The following FBXO24 variants were observed in gnomAD, a reference collection of about 807,000 sequenced individuals.
FBXO24 encodes the protein F-box protein 24.
In FBXO24, 30 loss-of-function variants were observed where a neutral mutation model predicts 63.5. That is an observed-to-expected ratio of 0.47 (90% CI 0.35 to 0.64). The LOEUF (loss-of-function observed/expected upper bound fraction) is 0.64. Among genes scored for constraint, FBXO24 ranks in the 30% least tolerant of loss-of-function variants. The pLI, the probability that FBXO24 is intolerant of heterozygous loss-of-function variation, is 0.00. For synonymous variants in FBXO24, 300 were observed against 305.0 expected (o/e 0.98, Z 0.17); for missense variants, 624 against 763.4 (o/e 0.82, Z 2.15).
chr7:100,600,677 A>G lies in FBXO24; in HGVS notation c.1521A>G (p.Arg507=). The part of the protein sequence containing the change: ...VGTPEPSLGA[R]APQDPGGMAQ... The stretch of plus-strand genomic sequence containing the variant: ...CTCCTGAGCCCAGCCTGGGGGCCAG[A>G]GCACCCCAGGACCCCGGGGGGATGG... Residue 507 remains arginine (R), a synonymous_variant, in exon 10 of 10, where the codon AGA becomes AGG. Coordinates refer to ENST00000241071, the MANE Select transcript of FBXO24 (RefSeq NM_033506.3). This position sits in a 1 kb window ranked among gnomAD's most constrained non-coding sequence, Gnocchi z 6.3. 2 of 1,614,054 alleles carry G rather than the reference A, an allele frequency of 1.2e-6. No homozygotes were observed. The highest frequency in any genetic ancestry group is 8.5e-7 in the Non-Finnish European group (1 of 1,179,964).
intron 5 of FBXO24, among the ~76,000 whole-genome samples, chr7:100,593,613 C>A (rs1414223841): frequency 8.0e-6 from 1 of 125,492 alleles, no homozygotes; most frequent in Non-Finnish European, 1.6e-5. Context: ...GGTGACAGAG[C>A]GAGACTCCGT....
intron 8 of FBXO24, among the ~76,000 whole-genome samples, chr7:100,596,949 C>T (rs1326936175): frequency 2.0e-5 from 3 of 151,748 alleles, no homozygotes; most frequent in East Asian, 1.9e-4. Context: ...GTCTGAGGCA[C>T]GAGAATTGCT....
At chr7:100,599,997 T>G in intron 8 of FBXO24, 34 bp from the exon 9 acceptor site, 1 of 1,437,106 alleles carries the variant, frequency 7.0e-7, no homozygotes, top group Non-Finnish European at 9.6e-7. Context: ...CCCTTGGTGC[T>G]CCCTGCTCAG....
rs749900608 is a variant in FBXO24 at position 100,590,279 on chromosome 7, A to T, written c.244A>T (p.Ile82Phe). 6.2e-7 allele frequency: 1 copy of T among 1,614,032 alleles called. No individual in the cohort carries two copies. The highest frequency in any genetic ancestry group is 1.3e-5 in the African/African-American group (1 of 74,910). Reference protein sequence around the residue: ...VCDGEGVWRRICRRLSPRLQD... With the variant: ...VCDGEGVWRRFCRRLSPRLQD... The stretch of plus-strand genomic sequence containing the variant: ...CGATGGGGAAGGCGTGTGGAGACGC[A>T]TCTGTCGCAGACTCAGTCCGCGCCT... Residue 82 changes from isoleucine to phenylalanine, a missense_variant, in exon 3 of 10, where the codon ATC becomes TTC. Physicochemically the swap from Ile to Phe is conservative, Grantham distance 21. This residue lies in a region of FBXO24 where 391 missense variants were observed against 469.1 expected (regional missense o/e 0.83). Coordinates refer to ENST00000241071, the MANE Select transcript of FBXO24 (RefSeq NM_033506.3).
At chr7:100,595,497 A>G (rs1298208277) in intron 7 of FBXO24, 78 bp from the exon 8 acceptor site, 2 of 1,462,754 alleles carry the variant, frequency 1.4e-6, no homozygotes, top group African/African-American at 2.8e-5. Flanking sequence ...ATGGCAGGTT[A>G]GTGGCTTGGA....
Position 100,600,175 on chromosome 7 carries a change from G to A in FBXO24, c.1351G>A (p.Ala451Thr), listed in dbSNP as rs1157674026. 1.3e-6 allele frequency: 2 copies of A among 1,576,744 alleles called. No individual in the cohort carries two copies. The highest frequency in any genetic ancestry group is 8.6e-7 in the Non-Finnish European group (1 of 1,160,996). Residue 451 changes from alanine to threonine, a missense_variant, in exon 9 of 10, where the codon GCC becomes ACC. Ala to Thr is a moderately conservative substitution (Grantham distance 58). This residue lies in a region of FBXO24 where 216 missense variants were observed against 245.2 expected (regional missense o/e 0.88). Transcript: ENST00000241071. This position sits in a 1 kb window ranked among gnomAD's most constrained non-coding sequence, Gnocchi z 6.3. ...GRLPGWPKGS[A>T]SFVKLQVKVP... ...CCTCCCAGGCTGGCCCAAGGGGAGT[G>A]CCTCCTTCGTCAAGCTCCAAGTCAA...
chr7:100,590,481 G>T, intron 3 of FBXO24, 124 bp downstream of exon 3: 1 of 988,496 alleles, frequency 1.0e-6, no homozygotes, highest in African/African-American at 1.6e-5. Context: ...TTCTCCGGAA[G>T]AAACGGGTCC....
rs759259757 is a variant in FBXO24 at position 100,595,231 on chromosome 7, C to T, written c.1074+8C>T. 2.3e-5 allele frequency: 37 copies of T among 1,613,912 alleles called. No homozygotes were observed. The Admixed American group carries it at 4.0e-4, about 17-fold the overall frequency. On this transcript the variant is annotated splice_region_variant and intron_variant, in intron 7 of 9. Transcript: ENST00000241071. ...CTCTCACTGCCTGCCAAGGTAGGCT[C>T]CTGGAGGGACGGGGCAAACCAGAGG...
At chr7:100,598,224 A>G (rs545397237) in intron 8 of FBXO24, among the ~76,000 whole-genome samples, 48 of 152,302 alleles carry the variant, frequency 3.2e-4, no homozygotes, top group African/African-American at 1.2e-3. Flanking sequence ...TATACAATTT[A>G]TGTGTATTTG....
chr7:100,591,104 C>G (rs575268897), intron 3 of FBXO24, among the ~76,000 whole-genome samples: 1 of 130,136 alleles, frequency 7.7e-6, no homozygotes, highest in South Asian at 2.5e-4. Flanking sequence ...GTGGTGCAAT[C>G]TTGGCTCAAT....
Position 100,590,375 on chromosome 7 carries a change from C to A in FBXO24, c.322+18C>A. ...TCTGAACTGTACACCTTCCCCAGAA[C>A]CTCCCGTTCTCCTTGCCTCTGTCCC... On this transcript the variant is annotated intron_variant, in intron 3 of 9. Coordinates refer to ENST00000241071, the MANE Select transcript of FBXO24 (RefSeq NM_033506.3). The A allele has an allele frequency of 6.3e-7, 1 of 1,590,884 alleles. No homozygotes were observed. Among genetic ancestry groups the A allele is most frequent in the South Asian group, 1.1e-5 (1 of 88,936 alleles).
chr7:100,592,734 A>G (rs754239744), intron 4 of FBXO24, 49 bp from the exon 5 acceptor site: 5 of 1,473,650 alleles, frequency 3.4e-6, no homozygotes, highest in African/African-American at 2.8e-5. Context: ...CCCCAGCCCC[A>G]TCCCATTTTG....
intron 4 of FBXO24, 66 bp from the exon 5 acceptor site, chr7:100,592,717 C>A: frequency 7.8e-7 from 1 of 1,277,790 alleles, no homozygotes. Context: ...ACCCCAGGAT[C>A]CAGCTGCCCC....
intron 1 of FBXO24, chr7:100,589,744 G>A (rs760865107): frequency 3.2e-6 from 5 of 1,546,810 alleles, no homozygotes; most frequent in East Asian, 2.4e-5. Context: ...AGCCAGAGAC[G>A]GAAGCTGCAA....
chr7:100,589,524 C>G, intron 1 of FBXO24: 12 of 1,374,756 alleles, frequency 8.7e-6, no homozygotes, highest in Non-Finnish European at 1.1e-5. Context: ...TTAAAGGGAA[C>G]AGGTCACAGT....
At chr7:100,595,848 G>T (rs1172102858) in intron 8 of FBXO24, 142 bp downstream of exon 8, 1 of 1,171,104 alleles carries the variant, frequency 8.5e-7, no homozygotes, top group African/African-American at 1.5e-5. Flanking sequence ...TAATGCCAGT[G>T]GTACTACCCC....
chr7:100,593,401 C>T (rs1802127806), intron 5 of FBXO24, among the ~76,000 whole-genome samples: 1 of 152,030 alleles, frequency 6.6e-6, no homozygotes, highest in African/African-American at 2.4e-5. Context: ...GAGGCCAAGG[C>T]GGGTGGATCA....
chr7:100,597,066 A>G (rs1802345689), intron 8 of FBXO24, among the ~76,000 whole-genome samples: 1 of 152,158 alleles, frequency 6.6e-6, no homozygotes, highest in African/African-American at 2.4e-5. Flanking sequence ...CAAAAACCAC[A>G]CTCAATTGGA....
At chr7:100,587,130 A>C (rs1367713859) in intron 1 of FBXO24, among the ~76,000 whole-genome samples, 1 of 152,152 alleles carries the variant, frequency 6.6e-6, no homozygotes, top group Admixed American at 6.5e-5. Context: ...AGGGAAGTTG[A>C]TGCGTTAGCA....
Sources: allele counts gnomAD v4.1 joint callset (sites outside exome capture counted in the v4.1 genomes callset), GRCh38; gene constraint gnomAD v4.1.1; regional missense constraint gnomAD v4.1.1; non-coding constraint Gnocchi (gnomAD v3.1); transcripts MANE v1.5; gene names NCBI Gene and HGNC (gene_info 2026-07-23, HGNC 2026-07-21).